Variants in STAM observed in about 807,000 individuals in gnomAD.
STAM encodes the protein signal transducing adapter molecule 1.
STAM carries 16 observed loss-of-function variants against 63.4 expected under a neutral mutation model. That is an observed-to-expected ratio of 0.25 (90% CI 0.17 to 0.38). The LOEUF is 0.38. Among genes scored for constraint, STAM ranks in the 10% least tolerant of loss-of-function variants. The pLI is 1.00. For synonymous variants in STAM, 238 were observed against 223.9 expected, an observed-to-expected ratio of 1.06 and a Z score of -0.56; for missense variants, 636 against 657.1, an observed-to-expected ratio of 0.97 and a Z score of 0.35.
intron 8 of STAM, among the ~76,000 whole-genome samples, chr10:17,698,850 A>G (rs891139855): frequency 6.6e-6 from 1 of 152,224 alleles, no homozygotes; most frequent in Non-Finnish European, 1.5e-5. Context: ...GTAATGGCCA[A>G]TGCAGTGCTA....
At chr10:17,669,952 G>A (rs1435027431) in intron 2 of STAM, among the ~76,000 whole-genome samples, 3 of 143,186 alleles carry the variant, frequency 2.1e-5, no homozygotes, top group African/African-American at 7.9e-5. Context: ...GGATGGTCTC[G>A]ATCTCCTGAC....
intron 2 of STAM, among the ~76,000 whole-genome samples, chr10:17,677,629 C>T (rs1834907973): frequency 6.6e-6 from 1 of 152,142 alleles, no homozygotes; most frequent in Non-Finnish European, 1.5e-5. Context: ...AATGATGCTG[C>T]TATCCAAAAA....
chr10:17,706,431 T>C (rs1327721295), intron 12 of STAM, among the ~76,000 whole-genome samples: 4 of 127,782 alleles, frequency 3.1e-5, no homozygotes, highest in African/African-American at 1.2e-4. Context: ...CAGGCTGGAG[T>C]GCAGTGCTGC....
At chr10:17,666,622 A>T (rs911557542) in intron 2 of STAM, among the ~76,000 whole-genome samples, 2 of 151,794 alleles carry the variant, frequency 1.3e-5, no homozygotes, top group African/African-American at 4.8e-5. Flanking sequence ...TGGTCTCGAT[A>T]TCCTGACCTT....
rs1330367078 is a variant in STAM at position 17,665,227 on chromosome 10, C to T, written c.125+4679C>T. Among the ~76,000 whole-genome samples, 4 of 151,876 alleles carry T rather than the reference C, an allele frequency of 2.6e-5. No homozygotes were observed. In the East Asian group the frequency reaches 7.7e-4, roughly 29 times the overall value. On this transcript the variant is annotated intron_variant, in intron 2 of 13. Coordinates refer to ENST00000377524, the MANE Select transcript of STAM (RefSeq NM_003473.4). ...AAACCAGACAAACCCATTTTCTGTT[C>T]TTTAAACTCACATATACATATGCAT...
chr10:17,667,325 G>A (rs1027352704), intron 2 of STAM, among the ~76,000 whole-genome samples: 1 of 151,990 alleles, frequency 6.6e-6, no homozygotes, highest in African/African-American at 2.4e-5. Context: ...GGGTTTCAAC[G>A]TATTGGTCAG....
At chr10:17,649,342 A>G (rs1384134883) in intron 1 of STAM, among the ~76,000 whole-genome samples, 1 of 151,752 alleles carries the variant, frequency 6.6e-6, no homozygotes, top group Non-Finnish European at 1.5e-5. Context: ...TCAAGGCTGC[A>G]GTGAGCTATG....
At chr10:17,685,282 G>A (rs1415286689) in intron 4 of STAM, among the ~76,000 whole-genome samples, 1 of 152,152 alleles carries the variant, frequency 6.6e-6, no homozygotes, top group Non-Finnish European at 1.5e-5. Context: ...CAGAAACACT[G>A]CAAAAAGTCT....
At chr10:17,673,040 T>C in intron 2 of STAM, 2 of 985,338 alleles carry the variant, frequency 2.0e-6, no homozygotes, top group Non-Finnish European at 2.4e-6. Flanking sequence ...TTTAAGAAGC[T>C]TTTTGAGAGA....
intron 1 of STAM, among the ~76,000 whole-genome samples, chr10:17,649,755 G>A (rs1002110609): frequency 4.0e-5 from 6 of 151,798 alleles, no homozygotes; most frequent in Non-Finnish European, 7.4e-5. Context: ...TCATTATTTG[G>A]TAACATTTTT....
rs368140764 is a variant in STAM at position 17,659,363 on chromosome 10, T to C, written c.41-1101T>C. ...AATGAATACATTGTTGCTGTTATTA[T>C]TTAGAATAAACTATTTTTTGTTAGA... On this transcript the variant is annotated intron_variant, in intron 1 of 13. Coordinates refer to ENST00000377524, the MANE Select transcript of STAM (RefSeq NM_003473.4). 3.9e-5 allele frequency among the ~76,000 whole-genome samples: 6 copies of C among 151,956 alleles called. No homozygotes were observed. The East Asian group carries it at 7.7e-4, about 19-fold the overall frequency.
intron 2 of STAM, among the ~76,000 whole-genome samples, chr10:17,676,438 T>G (rs1554824665): frequency 6.6e-6 from 1 of 152,208 alleles, no homozygotes; most frequent in African/African-American, 2.4e-5. Flanking sequence ...AGCTGACATA[T>G]GTAGGCAGTT....
At chr10:17,655,650 C>G (rs1554822053) in intron 1 of STAM, among the ~76,000 whole-genome samples, 1 of 152,188 alleles carries the variant, frequency 6.6e-6, no homozygotes, top group African/African-American at 2.4e-5. Context: ...TAAGTGTACT[C>G]TGTTGATCTA....
Position 17,644,450 on chromosome 10 carries a change from A to T in STAM, c.40+71A>T, listed in dbSNP as rs529248948. The T allele has an allele frequency of 3.1e-6, 5 of 1,589,100 alleles. No homozygotes were observed. In the African/African-American group the frequency reaches 6.7e-5, roughly 21 times the overall value. Reference sequence around the variant, plus strand: ...GCTCACTCTGCCAGCCCCTGCCTGCATTCAGGACCCTCGGGCCAGGGCCAA... The same window carrying T: ...GCTCACTCTGCCAGCCCCTGCCTGCTTTCAGGACCCTCGGGCCAGGGCCAA... On this transcript the variant is annotated intron_variant, in intron 1 of 13. Transcript: ENST00000377524.
At chr10:17,707,288 T>C (rs1055429889) in intron 12 of STAM, among the ~76,000 whole-genome samples, 1 of 152,022 alleles carries the variant, frequency 6.6e-6, no homozygotes, top group African/African-American at 2.4e-5. Context: ...TGGGTGCCTA[T>C]AGTCCCAGCT....
rs781824632 is a variant in STAM, at chr10:17,708,924, G to C, written c.1358G>C (p.Ser453Thr). 5.0e-6 allele frequency: 8 copies of C among 1,613,948 alleles called. No individual in the cohort carries two copies. The African/African-American group carries it at 1.1e-4, about 22-fold the overall frequency. The stretch of plus-strand genomic sequence containing the variant: ...CCATCCGCAAACCCAGCCCTTCCTA[G>C]TCAGCAGACTCAGGCCGCTTACCCA... ...VPPSANPALP[S>T]QQTQAAYPNT... is the part of the protein sequence containing the mutation. The change falls in exon 13 of 14, where the codon AGT becomes ACT. Residue 453 changes from serine to threonine, a missense_variant. Ser to Thr is a moderately conservative substitution (Grantham distance 58, BLOSUM62 1). Transcript: ENST00000377524.
intron 1 of STAM, among the ~76,000 whole-genome samples, chr10:17,649,956 C>T (rs1294627071): frequency 6.6e-6 from 1 of 152,196 alleles, no homozygotes; most frequent in Non-Finnish European, 1.5e-5. Context: ...TGACTTGAAA[C>T]CCAAGAGGCA....
rs529248948 is a variant in STAM at position 17,644,450 on chromosome 10, A to C, written c.40+71A>C. The C allele has an allele frequency of 1.1e-4, 181 of 1,589,218 alleles. 1 individual carries two copies. The African/African-American group carries it at 2.2e-3, about 19-fold the overall frequency. On this transcript the variant is annotated intron_variant, in intron 1 of 13. Transcript: ENST00000377524. Reference sequence around the variant, plus strand: ...GCTCACTCTGCCAGCCCCTGCCTGCATTCAGGACCCTCGGGCCAGGGCCAA... The same window carrying C: ...GCTCACTCTGCCAGCCCCTGCCTGCCTTCAGGACCCTCGGGCCAGGGCCAA...
chr10:17,707,506 C>T (rs1478105774), intron 12 of STAM, among the ~76,000 whole-genome samples: 1 of 152,038 alleles, frequency 6.6e-6, no homozygotes, highest in African/African-American at 2.4e-5. Flanking sequence ...TTCAGATTAA[C>T]GTTTAGCAGA....
Sources: allele counts gnomAD v4.1 joint callset (sites outside exome capture counted in the v4.1 genomes callset), GRCh38; gene constraint gnomAD v4.1.1; transcripts MANE v1.5; gene names NCBI Gene and HGNC (gene_info 2026-07-23, HGNC 2026-07-21).